Variants in KAZN observed in about 807,000 individuals in gnomAD.
KAZN encodes kazrin.
A neutral mutation model predicts 87.4 loss-of-function variants in KAZN; 40 were observed. That is an observed-to-expected ratio of 0.46 (90% CI 0.36 to 0.60). KAZN has a LOEUF of 0.60. Among genes scored for constraint, KAZN ranks in the 20% least tolerant of loss-of-function variants. KAZN has a pLI of 0.00. For synonymous variants in KAZN, 466 were observed against 458.3 expected, an observed-to-expected ratio of 1.02 and a Z score of -0.22; for missense variants, 898 against 1,073.9, an observed-to-expected ratio of 0.84 and a Z score of 2.29.
intron 1 of KAZN, among the ~76,000 whole-genome samples, chr1:14,725,624 G>T (rs1289757115): frequency 1.3e-5 from 2 of 152,194 alleles, no homozygotes; most frequent in African/African-American, 2.4e-5. Flanking sequence ...GGCTAAGAGT[G>T]CAGGAGGGTG....
At chr1:14,841,405 C>CAAAAAAAAAAAA (rs57248871) in intron 1 of KAZN, among the ~76,000 whole-genome samples, 1 of 88,868 alleles carries the variant, frequency 1.1e-5, no homozygotes, top group African/African-American at 4.4e-5. Context: ...GACTCCGTCT[C>CAAAAAAAAAAAA]AAAAAAAAAA....
At chr1:14,953,070 C>T (rs181780821) in intron 1 of KAZN, among the ~76,000 whole-genome samples, 5 of 152,360 alleles carry the variant, frequency 3.3e-5, no homozygotes, top group Non-Finnish European at 5.9e-5. Flanking sequence ...AACTGCACTG[C>T]GTGCCTCCCA....
intron 2 of KAZN, among the ~76,000 whole-genome samples, chr1:14,531,464 C>A (rs997054160): frequency 6.6e-6 from 1 of 152,146 alleles, no homozygotes; most frequent in Non-Finnish European, 1.5e-5. Flanking sequence ...TCGGCAGAAC[C>A]CATCAGGATC....
intron 2 of KAZN, among the ~76,000 whole-genome samples, chr1:14,569,745 C>G (rs1486969739): frequency 6.6e-6 from 1 of 152,122 alleles, no homozygotes; most frequent in Admixed American, 6.5e-5. Flanking sequence ...GGAGGGCATC[C>G]TTAGCTCTGG....
chr1:14,249,900 C>A (rs1323859416), intron 2 of KAZN, among the ~76,000 whole-genome samples: 2 of 124,310 alleles, frequency 1.6e-5, no homozygotes, highest in Admixed American at 1.8e-4. Context: ...TAGGCAGAAA[C>A]TTCTTCTTCT....
At chr1:14,891,770 T>C (rs964225887) in intron 1 of KAZN, among the ~76,000 whole-genome samples, 12 of 152,344 alleles carry the variant, frequency 7.9e-5, no homozygotes, top group Non-Finnish European at 1.2e-4. Flanking sequence ...AGGTGATTTA[T>C]ACTTTTTTTT....
intron 2 of KAZN, among the ~76,000 whole-genome samples, chr1:14,320,678 C>A (rs1047190958): frequency 1.3e-5 from 2 of 152,178 alleles, no homozygotes; most frequent in Non-Finnish European, 2.9e-5. Flanking sequence ...GTTGCTTACA[C>A]CTGTCCTCTG....
intron 2 of KAZN, among the ~76,000 whole-genome samples, chr1:14,369,980 A>T (rs548361816): frequency 6.6e-6 from 1 of 152,192 alleles, no homozygotes; most frequent in Non-Finnish European, 1.5e-5. Flanking sequence ...AAATCCTTGT[A>T]CTGTGGGTGC....
intron 2 of KAZN, among the ~76,000 whole-genome samples, chr1:14,455,884 T>G (rs6682103): frequency 0.59 from 89,443 of 152,036 alleles, 27,095 homozygotes; most frequent in African/African-American, 0.73. Flanking sequence ...TCTGAAGACA[T>G]ATTTTGCTGA....
Position 15,081,282 on chromosome 1 carries a change from T to G in KAZN, c.1223-12898T>G, listed in dbSNP as rs1220337267. Among the ~76,000 whole-genome samples the G allele has an allele frequency of 1.3e-5, 2 of 152,318 alleles. No homozygotes were observed. The highest frequency in any genetic ancestry group is 2.9e-5 in the Non-Finnish European group (2 of 68,030). ...TCCACGTCCAGTGACAGCCTGCCGGTCACTGAAATTGGCCACAATAGGAGT... is the reference window on the plus strand; with the variant it reads ...TCCACGTCCAGTGACAGCCTGCCGGGCACTGAAATTGGCCACAATAGGAGT... On this transcript the variant is annotated intron_variant, in intron 8 of 14. Transcript: ENST00000376030. This position sits in a 1 kb window ranked among gnomAD's most constrained non-coding sequence, Gnocchi z 4.1.
intron 2 of KAZN, among the ~76,000 whole-genome samples, chr1:14,561,584 G>A (rs1308923297): frequency 1.3e-5 from 2 of 152,138 alleles, no homozygotes; most frequent in African/African-American, 2.4e-5. Context: ...TCAATACTGG[G>A]AGGAGACAAC....
intron 2 of KAZN, among the ~76,000 whole-genome samples, chr1:14,570,479 T>C (rs768188848): frequency 2.0e-5 from 3 of 152,208 alleles, no homozygotes; most frequent in Non-Finnish European, 4.4e-5. Flanking sequence ...TTCATATAAG[T>C]GGAATTGTAC....
intron 1 of KAZN, among the ~76,000 whole-genome samples, chr1:14,602,778 A>C (rs1405508003): frequency 6.6e-6 from 1 of 152,226 alleles, no homozygotes; most frequent in Non-Finnish European, 1.5e-5. Flanking sequence ...GTATATAACA[A>C]AATACTTAAT....
rs140811149 is a variant in KAZN at position 14,537,965 on chromosome 1, C to T, written c.250-61018C>T. Among the ~76,000 whole-genome samples, 44 of 152,244 alleles carry T rather than the reference C, an allele frequency of 2.9e-4. 1 individual carries two copies. The East Asian group carries it at 3.1e-3, about 11-fold the overall frequency. ...ATGGGGGTTATTATGCAGAAAGAGA[C>T]ATCTGGGAAATCCAAGGGCAGGCAT... On this transcript the variant is annotated intron_variant, in intron 2 of 16. Transcript: ENST00000636203.
exon 1 of KAZN, chr1:13,893,009 C>G (rs1272929461): frequency 6.6e-6 from 1 of 151,648 alleles, no homozygotes; most frequent in Non-Finnish European, 1.5e-5. Context: ...GCACCGCGCC[C>G]GTGCGGCCCG....
At position 15,077,580 on chromosome 1, in the gene KAZN, A is replaced by G. The variant is rs998642903; in HGVS notation, c.1222+11827A>G. ...TCCTCCGCAAGGGCTACACAGGACC[A>G]GGTCAGCTGCTTGCAGCCACGTGAC... On this transcript the variant is annotated intron_variant, in intron 8 of 14. Coordinates refer to ENST00000376030, the MANE Select transcript of KAZN (RefSeq NM_201628.3). This position sits in a 1 kb window ranked among gnomAD's most constrained non-coding sequence, Gnocchi z 4.8. Among the ~76,000 whole-genome samples the G allele has an allele frequency of 6.6e-6, 1 of 152,246 alleles. No individual in the cohort carries two copies. The highest frequency in any genetic ancestry group is 2.4e-5 in the African/African-American group (1 of 41,460).
At chr1:14,562,525 T>C (rs1346976947) in intron 2 of KAZN, among the ~76,000 whole-genome samples, 2 of 152,232 alleles carry the variant, frequency 1.3e-5, no homozygotes, top group Non-Finnish European at 2.9e-5. Flanking sequence ...CCTAAGCTAG[T>C]TCTGAAATCC....
intron 1 of KAZN, among the ~76,000 whole-genome samples, chr1:14,832,660 G>T (rs561780606): frequency 6.6e-6 from 1 of 152,152 alleles, no homozygotes; most frequent in Non-Finnish European, 1.5e-5. Context: ...TTACAAATTC[G>T]TATCGGGCTG....
intron 1 of KAZN, among the ~76,000 whole-genome samples, chr1:14,901,400 T>C (rs1655871991): frequency 6.7e-6 from 1 of 148,920 alleles, no homozygotes; most frequent in Admixed American, 6.8e-5. Flanking sequence ...GGACAGATGA[T>C]GCTGTTTATG....
Sources: gnomAD v4.1 joint callset for allele counts (sites outside exome capture counted in the v4.1 genomes callset) on GRCh38, gnomAD v4.1.1 for gene constraint, Gnocchi (gnomAD v3.1) non-coding constraint, MANE v1.5 for transcripts, NCBI Gene and HGNC (gene_info 2026-07-23, HGNC 2026-07-21) for gene names.